Variants in PRKX observed in about 807,000 individuals in gnomAD.
The protein encoded by PRKX is cAMP-dependent protein kinase catalytic subunit PRKX.
PRKX carries 12 observed loss-of-function variants against 22.0 expected under a neutral mutation model. That is an observed-to-expected ratio of 0.54 (90% CI 0.35 to 0.88). The LOEUF is 0.88. Ranked by LOEUF, PRKX falls within the 40% of genes least tolerant of loss-of-function variation. PRKX has a pLI of 0.01. For missense variants in PRKX, 217 were observed against 308.0 expected (o/e 0.70, Z 2.21); for synonymous variants, 134 against 137.7 (o/e 0.97, Z 0.19).
At chrX:3,636,684 AC>A (rs1334020709) in intron 4 of PRKX, among the ~76,000 whole-genome samples, 11 of 111,220 alleles carry the variant, frequency 9.9e-5, no homozygotes, top group African/African-American at 3.6e-4. Context: ...ATATGGTGAA[AC>A]CCCCTCTCTA....
intron 2 of PRKX, among the ~76,000 whole-genome samples, chrX:3,673,624 G>C (rs1927890910): frequency 9.0e-6 from 1 of 110,971 alleles, no homozygotes. Context: ...ATGGTAGCAA[G>C]ATGGCGGAGG....
At chrX:3,621,051 G>T (rs1603473162) in intron 6 of PRKX, among the ~76,000 whole-genome samples, 1 of 111,563 alleles carries the variant, frequency 9.0e-6, no homozygotes, top group South Asian at 3.9e-4. Context: ...GTTTGACGTT[G>T]TGGGCCCAGA....
chrX:3,678,618 G>A (rs1379551801), intron 1 of PRKX, among the ~76,000 whole-genome samples: 3 of 112,034 alleles, frequency 2.7e-5, no homozygotes, highest in African/African-American at 6.5e-5. Flanking sequence ...TGTCAGTCCC[G>A]CCAACGCCAC....
intron 3 of PRKX, among the ~76,000 whole-genome samples, chrX:3,646,638 C>T (rs1927193753): frequency 9.0e-6 from 1 of 111,297 alleles, no homozygotes. Flanking sequence ...CTTATAGGAT[C>T]TTGGGTTGCA....
At chrX:3,712,413 A>C (rs28639631) in intron 1 of PRKX, among the ~76,000 whole-genome samples, 2,396 of 111,535 alleles carry the variant, frequency 0.021, 67 homozygotes, top group African/African-American at 0.075. Context: ...CTCTCTGTCA[A>C]GCTGCCCATT....
chrX:3,654,207 CTA>C (rs1192714254), intron 3 of PRKX, among the ~76,000 whole-genome samples: 1 of 89,900 alleles, frequency 1.1e-5, no homozygotes, highest in African/African-American at 4.2e-5. Flanking sequence ...TATAGTATAC[CTA>C]TATGATACTA....
At chrX:3,659,717 G>GTTTTTTTTTTTT (rs369338597) in intron 2 of PRKX, among the ~76,000 whole-genome samples, 1 of 28,039 alleles carries the variant, frequency 3.6e-5, no homozygotes, top group African/African-American at 1.8e-4. Context: ...TGTTTTTTTT[G>GTTTTTTTTTTTT]TTTTTTTTTT....
intron 1 of PRKX, among the ~76,000 whole-genome samples, chrX:3,678,118 A>G (rs1928001604): frequency 9.0e-6 from 1 of 111,701 alleles, no homozygotes; most frequent in Non-Finnish European, 1.9e-5. Context: ...ACAATTAGGA[A>G]TCAGGAACAC....
At chrX:3,687,823 A>G (rs1203444141) in intron 1 of PRKX, among the ~76,000 whole-genome samples, 1 of 111,775 alleles carries the variant, frequency 8.9e-6, no homozygotes, top group Non-Finnish European at 1.9e-5. Context: ...TCTTTGCAAG[A>G]GGAGAGCGTC....
intron 2 of PRKX, among the ~76,000 whole-genome samples, chrX:3,657,631 G>C (rs1927506824): frequency 8.9e-6 from 1 of 112,254 alleles, no homozygotes; most frequent in South Asian, 3.7e-4. Flanking sequence ...CTATCATTAA[G>C]CCTGAGAATT....
chrX:3,693,581 G>A (rs1928377136), intron 1 of PRKX, among the ~76,000 whole-genome samples: 1 of 110,962 alleles, frequency 9.0e-6, no homozygotes, highest in African/African-American at 3.3e-5. Context: ...GTTGAATGGT[G>A]CCCCCCAAAA....
chrX:3,713,035 C>T, intron 1 of PRKX, 53 bp downstream of exon 1: 1 of 1,120,621 alleles, frequency 8.9e-7, no homozygotes, highest in Non-Finnish European at 1.2e-6. Context: ...ACTACAACGT[C>T]CCGGCCACGC....
intron 1 of PRKX, among the ~76,000 whole-genome samples, chrX:3,687,786 C>T (rs1928207270): frequency 1.8e-5 from 2 of 111,185 alleles, no homozygotes; most frequent in African/African-American, 6.5e-5. Context: ...CCCAAACAGG[C>T]CAATGTTGAG....
chrX:3,700,256 T>C (rs952444027), intron 1 of PRKX, among the ~76,000 whole-genome samples: 1 of 111,773 alleles, frequency 8.9e-6, no homozygotes, highest in African/African-American at 3.3e-5. Flanking sequence ...TCCAGAAACC[T>C]AAAACGAGTG....
chrX:3,612,478 A>C (rs1926318244), intron 7 of PRKX, among the ~76,000 whole-genome samples, 153 bp from the exon 8 acceptor site: 1 of 111,786 alleles, frequency 8.9e-6, no homozygotes, highest in Non-Finnish European at 1.9e-5. Flanking sequence ...GAAAGCGGCA[A>C]TCTTTGAATT....
chrX:3,644,400 C>CAA (rs752467196), intron 3 of PRKX, among the ~76,000 whole-genome samples: 2,164 of 36,254 alleles, frequency 0.06, 164 homozygotes, highest in Non-Finnish European at 0.069. Flanking sequence ...GACACTGTCT[C>CAA]AAAAAAAAAA....
intron 1 of PRKX, among the ~76,000 whole-genome samples, chrX:3,710,940 G>T (rs989711851): frequency 9.0e-6 from 1 of 111,599 alleles, no homozygotes; most frequent in Admixed American, 9.5e-5. Flanking sequence ...TCTCCATCAC[G>T]CCTTGGAAAA....
rs182089780 is a variant in PRKX at position 3,633,931 on chromosome X, C to G, written c.720-7417G>C. On this transcript the variant is annotated intron_variant, in intron 4 of 8. Transcript: ENST00000262848. ...CACCTTGACTTCTTCCTCAAAAATC[C>G]TTGTCCCGATACCTTCAGATTAAAA... is the stretch of plus-strand genomic sequence containing the variant. Among the ~76,000 whole-genome samples the G allele has an allele frequency of 7.7e-4, 86 of 111,771 alleles. 1 individual carries two copies. The highest frequency in any genetic ancestry group is 1.2e-3 in the Non-Finnish European group (62 of 53,191).
At chrX:3,612,144 A>G (rs1926308650) in intron 8 of PRKX, 33 bp downstream of exon 8, 2 of 1,160,701 alleles carry the variant, frequency 1.7e-6, no homozygotes, top group Non-Finnish European at 2.3e-6. Context: ...AGTCAGTCTC[A>G]TTTTTTGGGA....
Sources: gnomAD v4.1 joint callset for allele counts (sites outside exome capture counted in the v4.1 genomes callset) on GRCh38, gnomAD v4.1.1 for gene constraint, MANE v1.5 for transcripts, NCBI Gene and HGNC (gene_info 2026-07-23, HGNC 2026-07-21) for gene names.